The following CGNL1 variants were observed in gnomAD, a reference collection of about 807,000 sequenced individuals.
The protein encoded by CGNL1 is cingulin like 1, also known as cingulin-like protein 1.
CGNL1 carries 132 observed loss-of-function variants against 141.2 expected under a neutral mutation model. That is an observed-to-expected ratio of 0.93 (90% CI 0.81 to 1.08). The LOEUF is 1.08. Ranked by LOEUF, CGNL1 falls within the 50% of genes least tolerant of loss-of-function variation. The probability of loss-of-function intolerance (pLI) is 0.00; values close to 1 mark genes in which losing one functional copy is unlikely to be tolerated. For synonymous variants in CGNL1, 690 were observed against 622.1 expected (o/e 1.11, Z -1.63); for missense variants, 1,870 against 1,588.6 (o/e 1.18, Z -3.01).
intron 1 of CGNL1, among the ~76,000 whole-genome samples, chr15:57,400,116 C>G (rs1420307100): frequency 6.6e-6 from 1 of 151,886 alleles, no homozygotes; most frequent in Non-Finnish European, 1.5e-5. Context: ...ACCTAAGCCT[C>G]TCGAGTAGTT....
intron 14 of CGNL1, among the ~76,000 whole-genome samples, chr15:57,532,263 T>C (rs1379521456): frequency 6.6e-6 from 1 of 152,182 alleles, no homozygotes; most frequent in East Asian, 1.9e-4. Flanking sequence ...ATTAATTATC[T>C]TTGAAACTGC....
intron 4 of CGNL1, 152 bp from the exon 5 acceptor site, chr15:57,451,348 G>A: frequency 9.0e-6 from 5 of 556,432 alleles, no homozygotes; most frequent in Non-Finnish European, 1.6e-5. Flanking sequence ...GTCAGGGAAG[G>A]TTCCCTGAAG....
At chr15:57,425,546 C>T (rs2062963170) in intron 1 of CGNL1, among the ~76,000 whole-genome samples, 1 of 152,104 alleles carries the variant, frequency 6.6e-6, no homozygotes, top group Admixed American at 6.5e-5. Context: ...AGTTTGAGAT[C>T]AGCCTGGCCA....
At chr15:57,489,225 A>C (rs2152375379) in intron 8 of CGNL1, among the ~76,000 whole-genome samples, 1 of 152,346 alleles carries the variant, frequency 6.6e-6, no homozygotes. Flanking sequence ...AATGTAGGAA[A>C]GAGATACTCA....
At chr15:57,465,728 C>T (rs1000071012) in intron 8 of CGNL1, among the ~76,000 whole-genome samples, 5 of 152,030 alleles carry the variant, frequency 3.3e-5, no homozygotes, top group African/African-American at 9.7e-5. Flanking sequence ...ATGAAGCAGC[C>T]CAACCTTCTG....
At chr15:57,545,783 A>T in intron 17 of CGNL1, 83 bp downstream of exon 17, 2 of 1,144,852 alleles carry the variant, frequency 1.7e-6, no homozygotes, top group Non-Finnish European at 2.6e-6. Flanking sequence ...GGCCTCCCTG[A>T]GCAGGAGTGG....
chr15:57,401,044 T>C (rs2062655433), intron 1 of CGNL1, among the ~76,000 whole-genome samples: 2 of 152,126 alleles, frequency 1.3e-5, no homozygotes, highest in Admixed American at 1.3e-4. Flanking sequence ...TCTGTAACTT[T>C]ATATTTTTTA....
intron 1 of CGNL1, among the ~76,000 whole-genome samples, chr15:57,425,423 CT>C (rs2062961729): frequency 6.6e-6 from 1 of 152,112 alleles, no homozygotes; most frequent in Non-Finnish European, 1.5e-5. Flanking sequence ...TTTTAGCATG[CT>C]TTCAAGAGAG....
intron 8 of CGNL1, among the ~76,000 whole-genome samples, chr15:57,481,515 C>T (rs1240847171): frequency 6.6e-6 from 1 of 152,180 alleles, no homozygotes; most frequent in Non-Finnish European, 1.5e-5. Context: ...CATGTATCAA[C>T]AGGTTCTTTC....
chr15:57,453,150 A>G (rs574608628), intron 6 of CGNL1, among the ~76,000 whole-genome samples: 2 of 152,248 alleles, frequency 1.3e-5, no homozygotes, highest in African/African-American at 4.8e-5. Flanking sequence ...TTTGTGGGTC[A>G]TATAGTCTGT....
intron 1 of CGNL1, among the ~76,000 whole-genome samples, chr15:57,425,291 G>T (rs1021197637): frequency 6.6e-6 from 1 of 152,152 alleles, no homozygotes; most frequent in Non-Finnish European, 1.5e-5. Flanking sequence ...TTGAGCCCAG[G>T]AGTTGGAGGT....
chr15:57,438,223 C>A lies in CGNL1; in HGVS notation c.224C>A (p.Pro75His). Residue 75 changes from proline to histidine, a missense_variant, in exon 2 of 19, where the codon CCC becomes CAC. Transcript: ENST00000281282. ...ACATCGTTTTCTGAAAATGGGCCAC[C>A]CTTTCCACCTCCAGTGATAAATAAC... The part of the protein sequence containing the change: ...AGTSFSENGP[P>H]FPPPVINNLP... 1 of 1,614,146 alleles carries A rather than the reference C, an allele frequency of 6.2e-7. No individual in the cohort carries two copies.
At chr15:57,378,181 A>G (rs1314183318) in intron 1 of CGNL1, among the ~76,000 whole-genome samples, 2 of 152,142 alleles carry the variant, frequency 1.3e-5, no homozygotes, top group Non-Finnish European at 1.5e-5. Flanking sequence ...ATTAGGTCAT[A>G]TATTTTATCA....
chr15:57,507,989 T>C (rs182040567), intron 8 of CGNL1, among the ~76,000 whole-genome samples: 1 of 152,310 alleles, frequency 6.6e-6, no homozygotes, highest in African/African-American at 2.4e-5. Context: ...CATGAATTGT[T>C]AGCGGGATCT....
At position 57,517,074 on chromosome 15, in the gene CGNL1, A is replaced by T. The variant is rs1281737533; in HGVS notation, c.2610+88A>T. On this transcript the variant is annotated intron_variant, in intron 9 of 18. Coordinates refer to ENST00000281282, the MANE Select transcript of CGNL1 (RefSeq NM_032866.5). ...GATTTCAAAAGTGGGGAAGGGATTT[A>T]TTGTCATGATGTAGTAGGAAAGGTC... 3.2e-6 allele frequency: 4 copies of T among 1,267,930 alleles called. No individual in the cohort carries two copies. The Admixed American group carries it at 8.3e-5, about 26-fold the overall frequency. 78.5% of individuals were successfully genotyped at this position (1,267,930 alleles called of 1,614,324 possible).
chr15:57,385,853 C>T (rs2062477161), intron 1 of CGNL1, among the ~76,000 whole-genome samples: 1 of 152,232 alleles, frequency 6.6e-6, no homozygotes, highest in Non-Finnish European at 1.5e-5. Context: ...TGCTAAATAT[C>T]CTTTGATTCA....
intron 7 of CGNL1, among the ~76,000 whole-genome samples, chr15:57,454,760 AT>A (rs2063358817): frequency 6.6e-6 from 1 of 152,266 alleles, no homozygotes; most frequent in East Asian, 1.9e-4. Flanking sequence ...TTATCAAATG[AT>A]TCCTTAAAAA....
In CGNL1 at chr15:57,440,360, C is replaced by T. The variant is rs2063170972; in HGVS notation, c.1603-17C>T. 1.3e-6 allele frequency: 2 copies of T among 1,573,548 alleles called. No homozygotes were observed. Among genetic ancestry groups the T allele is most frequent in the Non-Finnish European group, 1.7e-6 (2 of 1,153,620 alleles). ...GAACTTCATCCTCATGGTCTAACAA[C>T]AGGCCTTATGTTCCAGGCCACACCG... is the stretch of plus-strand genomic sequence containing the variant. On this transcript the variant is annotated splice_polypyrimidine_tract_variant and intron_variant, in intron 2 of 18. Coordinates refer to ENST00000281282, the MANE Select transcript of CGNL1 (RefSeq NM_032866.5).
chr15:57,481,070 T>TG (rs1429411049), intron 8 of CGNL1, among the ~76,000 whole-genome samples: 1 of 150,918 alleles, frequency 6.6e-6, no homozygotes, highest in East Asian at 1.9e-4. Flanking sequence ...TGGGGTTTTT[T>TG]TTTTTTTTTT....
Sources: allele counts gnomAD v4.1 joint callset (sites outside exome capture counted in the v4.1 genomes callset), GRCh38; gene constraint gnomAD v4.1.1; transcripts MANE v1.5; gene names NCBI Gene and HGNC (gene_info 2026-07-23, HGNC 2026-07-21).